The following COL11A1 variants were observed in gnomAD, a reference collection of about 807,000 sequenced individuals.
COL11A1 encodes the protein collagen alpha-1(XI) chain.
In COL11A1, 74 loss-of-function variants were observed where a neutral mutation model predicts 265.2. The observed-to-expected ratio is 0.28, with a 90% CI of 0.23 to 0.34. COL11A1 has a LOEUF of 0.34. Ranked by LOEUF, COL11A1 falls within the 10% of genes least tolerant of loss-of-function variation. COL11A1 has a pLI of 1.00. For synonymous variants in COL11A1, 816 were observed against 727.6 expected (o/e 1.12, Z -1.96); for missense variants, 2,165 against 2,263.6 (o/e 0.96, Z 0.88).
intron 4 of COL11A1, among the ~76,000 whole-genome samples, chr1:103,069,782 G>T (rs991457565): frequency 1.2e-4 from 18 of 151,790 alleles, no homozygotes; most frequent in African/African-American, 3.9e-4. Flanking sequence ...ATGCATAAAT[G>T]GCCCACAAGA....
rs1463043 is a variant in COL11A1 at position 102,913,433 on chromosome 1, A to T, written c.4032+204T>A. ...TATGATTACACTTTTCATTATAAAT[A>T]CTGTTTATTAATTTACATCAAATAA... On this transcript the variant is annotated intron_variant, in intron 53 of 66. Coordinates refer to ENST00000370096, the MANE Select transcript of COL11A1 (RefSeq NM_001854.4). Among the ~76,000 whole-genome samples the T allele has an allele frequency of 0.08, 12,221 of 152,202 alleles. 1,077 individuals are homozygous for T. The highest frequency in any genetic ancestry group is 0.21 in the African/African-American group (8,908 of 41,482).
At chr1:102,958,065 C>T (rs1660541221) in intron 41 of COL11A1, among the ~76,000 whole-genome samples, 1 of 152,020 alleles carries the variant, frequency 6.6e-6, no homozygotes, top group African/African-American at 2.4e-5. Flanking sequence ...CTGTGAATTC[C>T]TGTCTTGCAC....
chr1:103,062,865 A>T (rs1296252502), intron 4 of COL11A1, among the ~76,000 whole-genome samples: 1 of 151,996 alleles, frequency 6.6e-6, no homozygotes, highest in African/African-American at 2.4e-5. Context: ...TTGACAAAAA[A>T]ATTGGAAATA....
chr1:102,987,821 AAG>A, intron 29 of COL11A1, 81 bp from the exon 30 acceptor site: 1 of 1,016,930 alleles, frequency 9.8e-7, no homozygotes. Flanking sequence ...ATGACAGTGA[AAG>A]AGATCTGATA....
chr1:103,075,437 G>A (rs1247760930), intron 3 of COL11A1, among the ~76,000 whole-genome samples: 1 of 152,122 alleles, frequency 6.6e-6, no homozygotes. Flanking sequence ...GTTGGCAGAT[G>A]TGGAAAACTG....
At chr1:103,004,828 T>C (rs776503748) in intron 18 of COL11A1, among the ~76,000 whole-genome samples, 167 bp from the exon 19 acceptor site, 1 of 152,054 alleles carries the variant, frequency 6.6e-6, no homozygotes, top group Non-Finnish European at 1.5e-5. Flanking sequence ...TTTAACAACT[T>C]TAACTGGCTT....
chr1:102,979,213 G>C, intron 32 of COL11A1, 109 bp from the exon 33 acceptor site: 2 of 1,284,182 alleles, frequency 1.6e-6, no homozygotes, highest in South Asian at 2.4e-5. Context: ...TCATTCATTC[G>C]TATTCATTTA....
intron 44 of COL11A1, among the ~76,000 whole-genome samples, chr1:102,937,287 G>A (rs1658247238): frequency 6.6e-6 from 1 of 152,130 alleles, no homozygotes; most frequent in Non-Finnish European, 1.5e-5. Flanking sequence ...TGGCCATGCA[G>A]TCATTTTAGC....
intron 1 of COL11A1, among the ~76,000 whole-genome samples, chr1:103,099,604 T>C (rs1674072799): frequency 6.6e-6 from 1 of 151,708 alleles, no homozygotes; most frequent in Non-Finnish European, 1.5e-5. Context: ...CTATTTCCAA[T>C]GATCGATTTT....
chr1:102,974,962 T>C (rs1662327844), intron 35 of COL11A1, 79 bp from the exon 36 acceptor site: 6 of 1,017,954 alleles, frequency 5.9e-6, no homozygotes, highest in African/African-American at 4.7e-5. Context: ...TTTATTTACA[T>C]AGACAAAATA....
At chr1:102,939,802 G>A (rs1409723057) in intron 43 of COL11A1, among the ~76,000 whole-genome samples, 4 of 152,006 alleles carry the variant, frequency 2.6e-5, no homozygotes, top group Non-Finnish European at 5.9e-5. Context: ...CAGAGTGCTG[G>A]TTTAAAAATT....
chr1:102,914,536 A>T (rs1016056152), intron 51 of COL11A1, 131 bp from the exon 52 acceptor site: 50 of 1,064,664 alleles, frequency 4.7e-5, no homozygotes, highest in Non-Finnish European at 6.8e-5. Context: ...CCCGCCAAAA[A>T]ATTTCTAAAG....
Position 102,914,799 on chromosome 1 carries a change from C to T in COL11A1, c.3829G>A (p.Glu1277Lys), listed in dbSNP as rs745458984. The change falls in exon 51 of 67, where the codon GAA becomes AAA. Residue 1277 changes from glutamate (E) to lysine (K), a missense_variant. Transcript: ENST00000370096. ...CCAGCTTCCCCTTTCTCTCCTCTTT[C>T]TCCTTTGGGACCCTAAACAATGTTA... is the stretch of plus-strand genomic sequence containing the variant. ...GEAGVGGPKG[E>K]RGEKGEAGPP... 6.2e-7 allele frequency: 1 copy of T among 1,603,718 alleles called. No homozygotes were observed. The highest frequency in any genetic ancestry group is 8.5e-7 in the Non-Finnish European group (1 of 1,176,378).
chr1:102,974,276 A>G (rs1336784001), intron 36 of COL11A1, among the ~76,000 whole-genome samples: 2 of 152,226 alleles, frequency 1.3e-5, no homozygotes, highest in African/African-American at 4.8e-5. Flanking sequence ...CTTTATGAAG[A>G]TGCTTGATGA....
At chr1:102,881,805 A>T (rs1158511318) in intron 64 of COL11A1, 40 bp from the exon 65 acceptor site, 2 of 1,443,692 alleles carry the variant, frequency 1.4e-6, no homozygotes, top group Non-Finnish European at 1.9e-6. Flanking sequence ...GTAGGTGAAA[A>T]TTTACAATAT....
intron 35 of COL11A1, among the ~76,000 whole-genome samples, chr1:102,978,081 G>A (rs1026444003): frequency 2.0e-5 from 3 of 151,900 alleles, no homozygotes; most frequent in African/African-American, 7.3e-5. Flanking sequence ...TTTTTTAAAG[G>A]AATACAGATT....
Position 102,978,574 on chromosome 1 carries a change from C to T in COL11A1, c.2754+134G>A, listed in dbSNP as rs577938064. Reference sequence around the variant, plus strand: ...GAAGAGGAATAAATTAAAAAATAAGCGTTTTTAAATTCAGACTAGATTTTG... The same window carrying T: ...GAAGAGGAATAAATTAAAAAATAAGTGTTTTTAAATTCAGACTAGATTTTG... On this transcript the variant is annotated intron_variant, in intron 35 of 66. Coordinates refer to ENST00000370096, the MANE Select transcript of COL11A1 (RefSeq NM_001854.4). 356 of 928,448 alleles carry T rather than the reference C, an allele frequency of 3.8e-4. 2 individuals are homozygous for T. The South Asian group carries it at 4.9e-3, about 13-fold the overall frequency. 57.5% of individuals were successfully genotyped at this position (928,448 alleles called of 1,614,324 possible). A position where few individuals can be genotyped will look rare whatever the true frequency, so the allele number is the denominator to read the frequency against.
At chr1:102,986,475 A>G (rs1349079757) in intron 30 of COL11A1, among the ~76,000 whole-genome samples, 2 of 151,110 alleles carry the variant, frequency 1.3e-5, no homozygotes, top group African/African-American at 2.4e-5. Flanking sequence ...TGAAGAGTTA[A>G]TGGGTGCAGC....
At chr1:103,052,352 G>A (rs1407927863) in intron 4 of COL11A1, among the ~76,000 whole-genome samples, 2 of 152,040 alleles carry the variant, frequency 1.3e-5, no homozygotes, top group African/African-American at 2.4e-5. Flanking sequence ...TGGTATAAAA[G>A]ACAAATGGGC....
Sources: allele counts gnomAD v4.1 joint callset (sites outside exome capture counted in the v4.1 genomes callset), GRCh38; gene constraint gnomAD v4.1.1; transcripts MANE v1.5; gene names NCBI Gene and HGNC (gene_info 2026-07-23, HGNC 2026-07-21).